RARB: variants seen among roughly 807,000 people sequenced by gnomAD.
RARB encodes retinoic acid receptor beta, also known as HBV-activated protein.
A neutral mutation model predicts 51.9 loss-of-function variants in RARB; 17 were observed. That is an observed-to-expected ratio of 0.33 (90% CI 0.22 to 0.49). RARB has a LOEUF of 0.49. RARB is among the 20% of genes least tolerant of loss of function. The pLI, the probability that RARB is intolerant of heterozygous loss-of-function variation, is 0.99. For missense variants in RARB, 369 were observed against 550.8 expected (o/e 0.67, Z 3.30); for synonymous variants, 215 against 195.4 (o/e 1.10, Z -0.84).
intron 2 of RARB, among the ~76,000 whole-genome samples, chr3:24,963,430 T>C (rs1044758847): frequency 2.0e-5 from 3 of 148,960 alleles, no homozygotes; most frequent in Non-Finnish European, 4.4e-5. Context: ...GTTGTCACGC[T>C]CATGGCCTCT....
chr3:24,956,576 CA>C (rs1696018956), intron 2 of RARB, among the ~76,000 whole-genome samples: 1 of 152,166 alleles, frequency 6.6e-6, no homozygotes, highest in African/African-American at 2.4e-5. Flanking sequence ...GTTATAATCC[CA>C]GACACATTTG....
chr3:25,486,140 G>C lies in RARB; in HGVS notation c.307-15042G>C, dbSNP rs150295189. Among the ~76,000 whole-genome samples, 20 of 152,242 alleles carry C rather than the reference G, an allele frequency of 1.3e-4. No homozygotes were observed. The East Asian group carries it at 3.9e-3, about 29-fold the overall frequency. On this transcript the variant is annotated intron_variant, in intron 2 of 7. Transcript: ENST00000330688. ...TCAATGCAAAAAGGGCCCATATTTGGGAGACTGGGCTTTCTTTAGCTCGTT... is the reference window on the plus strand; with the variant it reads ...TCAATGCAAAAAGGGCCCATATTTGCGAGACTGGGCTTTCTTTAGCTCGTT...
intron 2 of RARB, among the ~76,000 whole-genome samples, chr3:24,915,709 G>A (rs1447377917): frequency 6.6e-6 from 1 of 152,178 alleles, no homozygotes; most frequent in Non-Finnish European, 1.5e-5. Context: ...TGGTTCAACT[G>A]ATATGTGACA....
chr3:25,333,599 T>C (rs1408340731), intron 5 of RARB, among the ~76,000 whole-genome samples: 1 of 152,202 alleles, frequency 6.6e-6, no homozygotes, highest in East Asian at 1.9e-4. Flanking sequence ...GGCAATACCA[T>C]TCAGGACATA....
At chr3:25,431,772 C>T (rs987855591) in intron 1 of RARB, among the ~76,000 whole-genome samples, 3 of 151,816 alleles carry the variant, frequency 2.0e-5, no homozygotes, top group Non-Finnish European at 4.4e-5. Flanking sequence ...AGGACTTTGC[C>T]CATTAATGAG....
chr3:25,137,401 G>A (rs1015151415), intron 4 of RARB, among the ~76,000 whole-genome samples: 2 of 151,984 alleles, frequency 1.3e-5, no homozygotes, highest in Non-Finnish European at 2.9e-5. Context: ...AAAAAAGCTT[G>A]GTAATGCTGA....
At chr3:25,138,861 C>T (rs1033487203) in intron 4 of RARB, among the ~76,000 whole-genome samples, 6 of 152,118 alleles carry the variant, frequency 3.9e-5, no homozygotes. Flanking sequence ...AAATTGAAGG[C>T]TTGTGGCAAC....
intron 2 of RARB, among the ~76,000 whole-genome samples, chr3:24,870,803 A>G (rs566027556): frequency 3.3e-5 from 5 of 152,122 alleles, no homozygotes; most frequent in Non-Finnish European, 5.9e-5. Flanking sequence ...ATGTTTCTAT[A>G]TAGGCATACA....
chr3:24,901,788 A>G (rs1394849007), intron 2 of RARB, among the ~76,000 whole-genome samples: 4 of 152,134 alleles, frequency 2.6e-5, no homozygotes. Flanking sequence ...GTCGCTTCTT[A>G]GAATAGCAGT....
At chr3:24,991,760 T>C (rs548063350) in intron 2 of RARB, among the ~76,000 whole-genome samples, 16 of 149,784 alleles carry the variant, frequency 1.1e-4, no homozygotes, top group Non-Finnish European at 2.1e-4. Context: ...ATATGGAGGG[T>C]GTTTTTTTTT....
intron 1 of RARB, among the ~76,000 whole-genome samples, chr3:24,839,995 G>A (rs904579585): frequency 6.6e-6 from 1 of 152,152 alleles, no homozygotes; most frequent in African/African-American, 2.4e-5. Flanking sequence ...ACAGCTCTAT[G>A]ACTCAAACTA....
chr3:25,001,734 C>T (rs1697164632), intron 2 of RARB, among the ~76,000 whole-genome samples: 2 of 152,292 alleles, frequency 1.3e-5, no homozygotes, highest in East Asian at 1.9e-4. Flanking sequence ...CTAAATGCAA[C>T]TCATTTGCAC....
At position 25,377,099 on chromosome 3, in the gene RARB, A is replaced by C. The variant is rs115250126; in HGVS notation, c.179-84094A>C. ...AACCCATCTTGGTTTTGCTTTTTCT[A>C]TCACTGGCTTGTAGAGAAATAATGT... On this transcript the variant is annotated intron_variant, in intron 5 of 11. Coordinates refer to the RARB transcript ENST00000383772. Among the ~76,000 whole-genome samples, 148 of 152,272 alleles carry C rather than the reference A, an allele frequency of 9.7e-4. 1 individual carries two copies. Among genetic ancestry groups the C allele is most frequent in the Non-Finnish European group, 2.1e-3 (141 of 68,018 alleles).
intron 3 of RARB, among the ~76,000 whole-genome samples, chr3:25,072,600 T>G (rs541094197): frequency 2.0e-5 from 3 of 152,328 alleles, no homozygotes; most frequent in Admixed American, 2.0e-4. Flanking sequence ...AAATACCATT[T>G]GGAGGCCACG....
rs754278956 is a variant in RARB at position 25,041,537 on chromosome 3, GAA to G, written c.-379-18575_-379-18574del. 8.3e-5 allele frequency among the ~76,000 whole-genome samples: 11 copies of G among 132,846 alleles called. 1 individual carries two copies. The highest frequency in any genetic ancestry group is 8.2e-5 in the Non-Finnish European group (5 of 60,832). 87.2% of individuals were successfully genotyped at this position (132,846 alleles called of 152,430 possible). On this transcript the variant is annotated intron_variant, in intron 2 of 11. Transcript: ENST00000383772. The stretch of plus-strand genomic sequence containing the variant: ...CATAGTTGAGAGGGAGGACATTTGG[GAA>G]AAAAAAAAAAAAGTCTTGCCATGTC...
At chr3:24,932,152 G>A (rs146345404) in intron 2 of RARB, among the ~76,000 whole-genome samples, 3,000 of 152,160 alleles carry the variant, frequency 0.02, 57 homozygotes, top group Middle Eastern at 0.065. Context: ...TGAGAAAGCG[G>A]TGATGGGCTT....
intron 5 of RARB, among the ~76,000 whole-genome samples, chr3:25,218,150 G>A (rs1226597418): frequency 6.6e-6 from 1 of 152,084 alleles, no homozygotes; most frequent in Non-Finnish European, 1.5e-5. Flanking sequence ...TTGAAAGGAT[G>A]CCCTTAGCTA....
At chr3:25,441,911 C>T (rs1160951794) in intron 1 of RARB, among the ~76,000 whole-genome samples, 1 of 152,054 alleles carries the variant, frequency 6.6e-6, no homozygotes, top group Non-Finnish European at 1.5e-5. Flanking sequence ...TATGGTTGAA[C>T]CCACATGTAT....
intron 4 of RARB, among the ~76,000 whole-genome samples, chr3:25,165,031 A>T (rs74467766): frequency 6.6e-6 from 1 of 152,172 alleles, no homozygotes; most frequent in African/African-American, 2.4e-5. Flanking sequence ...GGGGCAGTTA[A>T]GTACTGAGTT....
Sources: gnomAD v4.1 joint callset for allele counts (sites outside exome capture counted in the v4.1 genomes callset) on GRCh38, gnomAD v4.1.1 for gene constraint, MANE v1.5 for transcripts, NCBI Gene and HGNC (gene_info 2026-07-23, HGNC 2026-07-21) for gene names.